The following SGIP1 variants were observed in gnomAD, a reference collection of about 807,000 sequenced individuals.
SGIP1 encodes the protein SH3-containing GRB2-like protein 3-interacting protein 1.
A neutral mutation model predicts 107.5 loss-of-function variants in SGIP1; 38 were observed. The ratio of observed to expected loss-of-function variants is 0.35; its 90% CI spans 0.27 to 0.46. The LOEUF is 0.46. Ranked by LOEUF, SGIP1 falls within the 20% of genes least tolerant of loss-of-function variation. The probability of loss-of-function intolerance (pLI) is 1.00; values close to 1 mark genes in which losing one functional copy is unlikely to be tolerated. For synonymous variants in SGIP1, 365 were observed against 366.1 expected, an observed-to-expected ratio of 1.00 and a Z score of 0.03; for missense variants, 929 against 1,019.5, an observed-to-expected ratio of 0.91 and a Z score of 1.21.
chr1:66,664,245 C>T (rs2082086493), intron 8 of SGIP1, among the ~76,000 whole-genome samples: 1 of 151,846 alleles, frequency 6.6e-6, no homozygotes, highest in Non-Finnish European at 1.5e-5. Context: ...ATTTATGTGG[C>T]CTTTTTTTTC....
chr1:66,622,507 A>G, intron 1 of SGIP1, among the ~76,000 whole-genome samples: 1 of 152,166 alleles, frequency 6.6e-6, no homozygotes, highest in East Asian at 1.9e-4. Context: ...TAACATTATA[A>G]CCGGGCTGCC....
intron 1 of SGIP1, among the ~76,000 whole-genome samples, chr1:66,600,475 C>T (rs1327384747): frequency 1.3e-5 from 2 of 152,244 alleles, no homozygotes; most frequent in Non-Finnish European, 2.9e-5. Context: ...TAACGAGTTC[C>T]ACCTAAAGGA....
At chr1:66,658,840 G>A (rs974418509) in intron 7 of SGIP1, among the ~76,000 whole-genome samples, 5 of 152,196 alleles carry the variant, frequency 3.3e-5, no homozygotes, top group Non-Finnish European at 5.9e-5. Flanking sequence ...TCAAACCAGA[G>A]AAGGGAACAA....
chr1:66,546,980 G>A (rs76581938), intron 1 of SGIP1, among the ~76,000 whole-genome samples: 3,989 of 152,124 alleles, frequency 0.026, 173 homozygotes, highest in African/African-American at 0.091. Flanking sequence ...TTTCTTACTG[G>A]GTTGAATATT....
intron 18 of SGIP1, among the ~76,000 whole-genome samples, chr1:66,715,739 C>T (rs1285942469): frequency 3.3e-5 from 5 of 152,056 alleles, no homozygotes; most frequent in African/African-American, 1.2e-4. Context: ...TCAACTAAAA[C>T]CTCCAGGTGC....
rs60834683 is a variant in SGIP1 at position 66,549,137 on chromosome 1, GCCTTCCTTCCTTCCTTCCTT to G, written c.10+14812_10+14831del. 7.0e-3 allele frequency among the ~76,000 whole-genome samples: 1,006 copies of G among 144,520 alleles called. 12 individuals carry two copies. The highest frequency in any genetic ancestry group is 0.022 in the African/African-American group (866 of 39,188). 94.8% of individuals were successfully genotyped at this position (144,520 alleles called of 152,430 possible). On this transcript the variant is annotated intron_variant, in intron 1 of 24. Coordinates refer to ENST00000371037, the MANE Select transcript of SGIP1 (RefSeq NM_032291.4). The stretch of plus-strand genomic sequence containing the variant: ...GAGCTTAAGCTCCTTCTGGCTACCT[GCCTTCCTTCCTTCCTTCCTT>G]CCTTCCTTCCTTCCTTCCTTCCTTC...
intron 16 of SGIP1, 32 bp from the exon 17 acceptor site, chr1:66,690,158 C>G: frequency 6.2e-7 from 1 of 1,605,812 alleles, no homozygotes. Flanking sequence ...ACCTGTGTAT[C>G]TAACTTTTCA....
intron 18 of SGIP1, among the ~76,000 whole-genome samples, chr1:66,715,482 G>T (rs2150387208): frequency 6.6e-6 from 1 of 152,092 alleles, no homozygotes; most frequent in South Asian, 2.1e-4. Context: ...GGGGGGGCGT[G>T]GGGGAGGTGG....
chr1:66,547,881 C>A (rs574966948), intron 1 of SGIP1, among the ~76,000 whole-genome samples: 2 of 152,242 alleles, frequency 1.3e-5, no homozygotes, highest in Admixed American at 1.3e-4. Context: ...GGCACTTGAA[C>A]TGAGACCCCT....
Position 66,534,222 on chromosome 1 carries a change from A to G in SGIP1, c.-137A>G, listed in dbSNP as rs564657927. 15 of 879,820 alleles carry G rather than the reference A, an allele frequency of 1.7e-5. No individual in the cohort carries two copies. Among genetic ancestry groups the G allele is most frequent in the Non-Finnish European group, 2.4e-5 (13 of 531,866 alleles). 54.5% of individuals were successfully genotyped at this position (879,820 alleles called of 1,614,324 possible). On this transcript the variant is annotated 5_prime_UTR_variant, in exon 1 of 25. Coordinates refer to ENST00000371037, the MANE Select transcript of SGIP1 (RefSeq NM_032291.4). ...TCCATGGCCTGTCTTTTGGCTTAAC[A>G]CTTATCTCCTTTGGCTTTGACAGCG...
At chr1:66,535,085 A>G (rs1197164510) in intron 1 of SGIP1, among the ~76,000 whole-genome samples, 3 of 152,310 alleles carry the variant, frequency 2.0e-5, no homozygotes, top group Non-Finnish European at 4.4e-5. Flanking sequence ...ATCTTTTCGC[A>G]TATTCAATAT....
chr1:66,669,707 CACTTAGT>C (rs777592624), intron 9 of SGIP1, among the ~76,000 whole-genome samples: 12 of 152,090 alleles, frequency 7.9e-5, no homozygotes, highest in Non-Finnish European at 1.8e-4. Flanking sequence ...CTATATGACA[CACTTAGT>C]AGGGAAAAAC....
intron 1 of SGIP1, among the ~76,000 whole-genome samples, chr1:66,625,623 C>CTTAT (rs1416625339): frequency 6.6e-6 from 1 of 152,208 alleles, no homozygotes; most frequent in Non-Finnish European, 1.5e-5. Context: ...CCTTATGTTG[C>CTTAT]TTATAGTGCT....
At chr1:66,630,868 A>AG (rs2074252126) in intron 2 of SGIP1, among the ~76,000 whole-genome samples, 3 of 52,564 alleles carry the variant, frequency 5.7e-5, no homozygotes, top group South Asian at 1.5e-3. Context: ...AGAAAGAAAG[A>AG]AAGAAAGAAA....
At chr1:66,711,767 C>G (rs1407144114) in intron 18 of SGIP1, among the ~76,000 whole-genome samples, 1 of 152,132 alleles carries the variant, frequency 6.6e-6, no homozygotes, top group East Asian at 1.9e-4. Flanking sequence ...CAAATCAGAC[C>G]ACTCTCTCCT....
Position 66,534,308 on chromosome 1 carries a change from T to G in SGIP1, c.-51T>G. 8.1e-6 allele frequency: 13 copies of G among 1,608,300 alleles called. No homozygotes were observed. Among genetic ancestry groups the G allele is most frequent in the Non-Finnish European group, 1.1e-5 (13 of 1,174,728 alleles). On this transcript the variant is annotated 5_prime_UTR_variant, in exon 1 of 25. Transcript: ENST00000371037. ...TTAGCTGGGACCTGGAATCGTATCC[T>G]CCTGTGTTTTTTCAGACTCCTTGGA...
rs1243757160 is a variant in SGIP1, at chr1:66,561,083, A to G, written c.10+26715A>G. On this transcript the variant is annotated intron_variant, in intron 1 of 24. Coordinates refer to ENST00000371037, the MANE Select transcript of SGIP1 (RefSeq NM_032291.4). Reference sequence around the variant, plus strand: ...TTGCAGCTATTATTAACTCATAATAACTAACATTAATTGAGCACCTACTAT... The same window carrying G: ...TTGCAGCTATTATTAACTCATAATAGCTAACATTAATTGAGCACCTACTAT... Among the ~76,000 whole-genome samples the G allele has an allele frequency of 4.6e-5, 7 of 152,096 alleles. No individual in the cohort carries two copies. In the East Asian group the frequency reaches 1.4e-3, roughly 29 times the overall value.
intron 7 of SGIP1, among the ~76,000 whole-genome samples, chr1:66,652,422 G>A (rs539402480): frequency 6.6e-6 from 1 of 152,268 alleles, no homozygotes; most frequent in South Asian, 2.1e-4. Flanking sequence ...CTGGCGTGTA[G>A]GCTAGTGCCT....
chr1:66,739,569 G>T (rs755229019), intron 22 of SGIP1, 32 bp downstream of exon 22: 2 of 1,607,868 alleles, frequency 1.2e-6, no homozygotes, highest in Non-Finnish European at 1.7e-6. Flanking sequence ...CCACCAAAGG[G>T]CTCCTCTGGG....
Sources: allele counts gnomAD v4.1 joint callset (sites outside exome capture counted in the v4.1 genomes callset), GRCh38; gene constraint gnomAD v4.1.1; transcripts MANE v1.5; gene names NCBI Gene and HGNC (gene_info 2026-07-23, HGNC 2026-07-21).